Variants in IRAK1BP1 observed in about 807,000 individuals in gnomAD.
IRAK1BP1 encodes the protein interleukin 1 receptor associated kinase 1 binding protein 1.
A neutral mutation model predicts 28.0 loss-of-function variants in IRAK1BP1; 24 were observed. The ratio of observed to expected loss-of-function variants is 0.86; its 90% CI spans 0.62 to 1.20. IRAK1BP1 has a LOEUF of 1.20. Ranked by LOEUF, IRAK1BP1 falls within the 50% of genes most tolerant of loss-of-function variation. The pLI, the probability that IRAK1BP1 is intolerant of heterozygous loss-of-function variation, is 0.00. For synonymous variants in IRAK1BP1, 131 were observed against 116.3 expected, an observed-to-expected ratio of 1.13 and a Z score of -0.81; for missense variants, 336 against 316.7, an observed-to-expected ratio of 1.06 and a Z score of -0.46.
At chr6:78,924,552 C>T (rs1239896229) in intron 4 of IRAK1BP1, among the ~76,000 whole-genome samples, 2 of 152,162 alleles carry the variant, frequency 1.3e-5, no homozygotes, top group African/African-American at 2.4e-5. Context: ...AGGGAATCCT[C>T]CCTAACTCAT....
chr6:78,959,677 A>G, the IRAK1BP1 span, among the ~76,000 whole-genome samples: 1 of 152,178 alleles, frequency 6.6e-6, no homozygotes, highest in South Asian at 2.1e-4. Context: ...ATCAGGTTGG[A>G]AAACAGGCAA....
chr6:78,923,311 C>T (rs1191516472), intron 4 of IRAK1BP1, among the ~76,000 whole-genome samples: 1 of 151,700 alleles, frequency 6.6e-6, no homozygotes, highest in African/African-American at 2.4e-5. Context: ...CAACAAAGAT[C>T]CAAAGAGACA....
chr6:78,915,267 T>C (rs961460537), intron 4 of IRAK1BP1, among the ~76,000 whole-genome samples: 60 of 152,354 alleles, frequency 3.9e-4, no homozygotes, highest in African/African-American at 1.4e-3. Context: ...GATAGAGTGA[T>C]TCAAAGACTG....
chr6:78,876,022 T>A (rs564723132), intron 1 of IRAK1BP1, among the ~76,000 whole-genome samples: 1 of 152,294 alleles, frequency 6.6e-6, no homozygotes, highest in East Asian at 1.9e-4. Flanking sequence ...TCATCATGAT[T>A]TGTGCTTCCC....
intron 1 of IRAK1BP1, 132 bp downstream of exon 1, chr6:78,868,023 A>G (rs1190184989): frequency 1.1e-6 from 1 of 945,878 alleles, no homozygotes. Flanking sequence ...CGTTTGTTGC[A>G]AAGGTACTCC....
downstream of IRAK1BP1, among the ~76,000 whole-genome samples, chr6:78,949,826 C>CT (rs1336015624): frequency 6.6e-6 from 1 of 152,024 alleles, no homozygotes; most frequent in African/African-American, 2.4e-5. Flanking sequence ...GTAGCTTGAA[C>CT]TATAGGTGCA....
intron 4 of IRAK1BP1, among the ~76,000 whole-genome samples, chr6:78,908,391 C>T (rs1772315818): frequency 6.6e-6 from 1 of 152,028 alleles, no homozygotes; most frequent in Non-Finnish European, 1.5e-5. Flanking sequence ...ACTCTGTTGC[C>T]CAGGCTGGAA....
chr6:78,900,921 G>A lies in IRAK1BP1; in HGVS notation c.*2587G>A, dbSNP rs905152841. The A allele has an allele frequency of 4.6e-5, 7 of 152,052 alleles. No individual in the cohort carries two copies. Among genetic ancestry groups the A allele is most frequent in the African/African-American group, 1.7e-4 (7 of 41,408 alleles). 9.4% of individuals were successfully genotyped at this position (152,052 alleles called of 1,614,324 possible). A position where few individuals can be genotyped will look rare whatever the true frequency, so the allele number is the denominator to read the frequency against. On this transcript the variant is annotated 3_prime_UTR_variant, in exon 4 of 4. Coordinates refer to ENST00000369940, the MANE Select transcript of IRAK1BP1 (RefSeq NM_001010844.4). Reference sequence around the variant, plus strand: ...GCTTTTCCAAATCCTCCATTAGGAAGAATTTTTAAATAGCCATATTGAAAA... The same window carrying A: ...GCTTTTCCAAATCCTCCATTAGGAAAAATTTTTAAATAGCCATATTGAAAA...
intron 4 of IRAK1BP1, chr6:78,939,113 T>C (rs1773374856): frequency 6.6e-6 from 1 of 151,736 alleles, no homozygotes; most frequent in Non-Finnish European, 1.5e-5. Flanking sequence ...TTTTAAACAA[T>C]AGAAATGGTA....
rs151124999 is a variant in IRAK1BP1 at position 78,884,825 on chromosome 6, A to G, written c.316-553A>G. On this transcript the variant is annotated intron_variant, in intron 1 of 3. Coordinates refer to ENST00000369940, the MANE Select transcript of IRAK1BP1 (RefSeq NM_001010844.4). ...ATTAAGTATACTTTATGTGCAAACA[A>G]TTGCTCATAGATATCACCCTAACTT... 2.6e-4 allele frequency among the ~76,000 whole-genome samples: 39 copies of G among 152,272 alleles called. No individual in the cohort carries two copies. The East Asian group carries it at 4.2e-3, about 17-fold the overall frequency.
chr6:78,948,093 C>T (rs1773927445), downstream of IRAK1BP1, among the ~76,000 whole-genome samples: 2 of 152,082 alleles, frequency 1.3e-5, no homozygotes, highest in Admixed American at 1.3e-4. Context: ...GCTCTACAAC[C>T]GAAAGTTTGA....
the IRAK1BP1 span, chr6:78,970,249 A>G: frequency 7.7e-7 from 1 of 1,298,124 alleles, no homozygotes; most frequent in Non-Finnish European, 1.1e-6. Context: ...ATTGTTGAGA[A>G]AAAACTTCTT....
the IRAK1BP1 span, among the ~76,000 whole-genome samples, chr6:78,975,071 AAAAGATAATTTT>A: frequency 6.6e-6 from 1 of 151,538 alleles, no homozygotes; most frequent in African/African-American, 2.4e-5. Context: ...ACACAACCAA[AAAAGATAATTTT>A]AGACCAATAT....
the IRAK1BP1 span, chr6:78,957,595 A>C: frequency 4.0e-5 from 6 of 151,730 alleles, no homozygotes; most frequent in African/African-American, 1.4e-4. Flanking sequence ...AAAAAAAAAA[A>C]CTGAATAATC....
the IRAK1BP1 span, chr6:78,970,014 C>A: frequency 6.2e-7 from 1 of 1,608,944 alleles, no homozygotes; most frequent in Non-Finnish European, 8.5e-7. Flanking sequence ...ATCTACAATA[C>A]TAAGAAAACC....
intron 1 of IRAK1BP1, among the ~76,000 whole-genome samples, chr6:78,870,109 CAAAAAAAAAAA>C (rs70977749): frequency 6.5e-4 from 27 of 41,562 alleles, no homozygotes; most frequent in Non-Finnish European, 9.8e-4. Context: ...AACTCCGTCC[CAAAAAAAAAAA>C]AAAAAAAAAA....
chr6:78,889,544 T>C (rs1216654165), intron 2 of IRAK1BP1, among the ~76,000 whole-genome samples: 2 of 145,466 alleles, frequency 1.4e-5, no homozygotes, highest in Admixed American at 1.4e-4. Context: ...AGGGCTAATA[T>C]GCAGAATCTA....
chr6:78,892,765 A>G (rs1771709408), intron 2 of IRAK1BP1, among the ~76,000 whole-genome samples: 1 of 152,180 alleles, frequency 6.6e-6, no homozygotes, highest in South Asian at 2.1e-4. Flanking sequence ...GATGAAAACT[A>G]CAGTGTATGA....
downstream of IRAK1BP1, among the ~76,000 whole-genome samples, chr6:78,951,141 G>T (rs1429295035): frequency 1.3e-5 from 2 of 152,090 alleles, no homozygotes; most frequent in African/African-American, 4.8e-5. Flanking sequence ...AGTCCTTGGA[G>T]ATTTTACATT....
Sources: gnomAD v4.1 joint callset for allele counts (sites outside exome capture counted in the v4.1 genomes callset) on GRCh38, gnomAD v4.1.1 for gene constraint, MANE v1.5 for transcripts, NCBI Gene and HGNC (gene_info 2026-07-23, HGNC 2026-07-21) for gene names.